The following ATP6V1H variants were observed in gnomAD, a reference collection of about 807,000 sequenced individuals.
ATP6V1H encodes the protein V-type proton ATPase subunit H.
In ATP6V1H, 39 loss-of-function variants were observed where a neutral mutation model predicts 71.7. The ratio of observed to expected loss-of-function variants is 0.54; its 90% CI spans 0.42 to 0.71. The LOEUF (loss-of-function observed/expected upper bound fraction) is 0.71. Among genes scored for constraint, ATP6V1H ranks in the 30% least tolerant of loss-of-function variants. The probability of loss-of-function intolerance (pLI) is 0.00; values close to 1 mark genes in which losing one functional copy is unlikely to be tolerated. For missense variants in ATP6V1H, 509 were observed against 594.9 expected, an observed-to-expected ratio of 0.86 and a Z score of 1.50; for synonymous variants, 192 against 199.3, an observed-to-expected ratio of 0.96 and a Z score of 0.31.
chr8:53,720,826 A>T (rs985211782), intron 13 of ATP6V1H, among the ~76,000 whole-genome samples: 1 of 152,164 alleles, frequency 6.6e-6, no homozygotes, highest in Admixed American at 6.5e-5. Flanking sequence ...GCCAAGTAGA[A>T]AACCCACTGT....
chr8:53,764,390 A>G (rs1808377574), intron 11 of ATP6V1H, among the ~76,000 whole-genome samples: 1 of 152,228 alleles, frequency 6.6e-6, no homozygotes, highest in African/African-American at 2.4e-5. Flanking sequence ...AGAATCAATT[A>G]ATGTAGCCCA....
At chr8:53,740,631 A>G (rs947474274) in intron 13 of ATP6V1H, among the ~76,000 whole-genome samples, 1 of 152,230 alleles carries the variant, frequency 6.6e-6, no homozygotes, top group African/African-American at 2.4e-5. Flanking sequence ...AGAGAAATTT[A>G]CAAGATTCTT....
intron 13 of ATP6V1H, among the ~76,000 whole-genome samples, chr8:53,739,887 G>T (rs557729766): frequency 6.6e-6 from 1 of 152,176 alleles, no homozygotes; most frequent in Non-Finnish European, 1.5e-5. Flanking sequence ...CGCCCAGTGG[G>T]TGCCACTGTC....
chr8:53,798,519 GA>G lies in ATP6V1H; in HGVS notation c.678-2681del, dbSNP rs201442299. Among the ~76,000 whole-genome samples, 333 of 147,484 alleles carry G rather than the reference GA, an allele frequency of 2.3e-3. 1 individual carries two copies. Among genetic ancestry groups the G allele is most frequent in the African/African-American group, 8.0e-3 (323 of 40,242 alleles). On this transcript the variant is annotated intron_variant, in intron 8 of 13. Coordinates refer to ENST00000359530, the MANE Select transcript of ATP6V1H (RefSeq NM_015941.4). ...CTGGGTGAGACTCTGTCTCAGAAAG[GA>G]AAAAAAAAGACCTCAGTTATCTTCC... is the stretch of plus-strand genomic sequence containing the variant.
chr8:53,754,179 CAAG>C (rs1286107862), intron 12 of ATP6V1H, among the ~76,000 whole-genome samples: 1 of 152,090 alleles, frequency 6.6e-6, no homozygotes, highest in Non-Finnish European at 1.5e-5. Flanking sequence ...CCTCGTCTTG[CAAG>C]AAGTTCAGAA....
intron 3 of ATP6V1H, chr8:53,831,745 C>T (rs982158140): frequency 1.4e-5 from 2 of 142,782 alleles, no homozygotes; most frequent in East Asian, 2.0e-4. Flanking sequence ...AATAATTACA[C>T]TCTTTTTTTT....
intron 13 of ATP6V1H, among the ~76,000 whole-genome samples, chr8:53,716,921 C>A (rs191475279): frequency 6.6e-6 from 1 of 152,278 alleles, no homozygotes; most frequent in African/African-American, 2.4e-5. Flanking sequence ...AAGTTTTCCT[C>A]TTATAAAAAA....
intron 9 of ATP6V1H, among the ~76,000 whole-genome samples, chr8:53,785,256 T>C (rs576284077): frequency 1.3e-5 from 2 of 152,356 alleles, no homozygotes; most frequent in Non-Finnish European, 2.9e-5. Context: ...CTTTTTTCTC[T>C]AAACTTCTCT....
At chr8:53,814,273 G>A (rs1362632433) in intron 6 of ATP6V1H, among the ~76,000 whole-genome samples, 2 of 152,072 alleles carry the variant, frequency 1.3e-5, no homozygotes, top group Non-Finnish European at 2.9e-5. Context: ...CTCTCGGCCC[G>A]AGGCATGCTC....
intron 2 of ATP6V1H, among the ~76,000 whole-genome samples, chr8:53,837,843 C>T (rs993658849): frequency 1.3e-5 from 2 of 152,130 alleles, no homozygotes; most frequent in African/African-American, 2.4e-5. Flanking sequence ...AGGCAGGAAC[C>T]GCAGACACAG....
At chr8:53,729,160 C>A (rs538005398) in intron 13 of ATP6V1H, among the ~76,000 whole-genome samples, 1 of 152,102 alleles carries the variant, frequency 6.6e-6, no homozygotes, top group Non-Finnish European at 1.5e-5. Flanking sequence ...AAGAGACTAG[C>A]ACCACATGTT....
intron 2 of ATP6V1H, among the ~76,000 whole-genome samples, chr8:53,834,490 A>G (rs1195384810): frequency 6.6e-6 from 1 of 152,138 alleles, no homozygotes; most frequent in African/African-American, 2.4e-5. Context: ...CAGTGGCACG[A>G]TCTCAGCTCA....
intron 4 of ATP6V1H, among the ~76,000 whole-genome samples, chr8:53,823,726 G>A (rs1478510785): frequency 6.6e-6 from 1 of 152,044 alleles, no homozygotes; most frequent in Non-Finnish European, 1.5e-5. Context: ...CACCCACCTC[G>A]GACTCCCAAA....
chr8:53,838,249 C>T (rs1292187625), intron 2 of ATP6V1H, among the ~76,000 whole-genome samples: 1 of 152,152 alleles, frequency 6.6e-6, no homozygotes, highest in Non-Finnish European at 1.5e-5. Context: ...CCTCAGCCTC[C>T]CAAGTAGCTG....
chr8:53,784,678 G>C lies in ATP6V1H; in HGVS notation c.870+10969C>G, dbSNP rs568565870. ...CATGTTTTTGCAGTGGCTGGTACCG[G>C]TTGTTCCTTTCGATGTTTAGTGCTT... On this transcript the variant is annotated intron_variant, in intron 9 of 13. Transcript: ENST00000359530. Among the ~76,000 whole-genome samples the C allele has an allele frequency of 2.0e-3, 300 of 152,090 alleles. 1 individual carries two copies. The highest frequency in any genetic ancestry group is 5.2e-3 in the African/African-American group (216 of 41,360).
chr8:53,764,887 C>T (rs1808396810), intron 11 of ATP6V1H, among the ~76,000 whole-genome samples: 1 of 151,934 alleles, frequency 6.6e-6, no homozygotes, highest in Non-Finnish European at 1.5e-5. Context: ...TGCTGTGAGG[C>T]CAGGAGTTCG....
chr8:53,735,234 G>A (rs1177954026), intron 13 of ATP6V1H, among the ~76,000 whole-genome samples: 2 of 152,220 alleles, frequency 1.3e-5, no homozygotes, highest in African/African-American at 2.4e-5. Context: ...GGTGGGTGGA[G>A]GCTTATCCAA....
chr8:53,800,762 C>G (rs1340393095), intron 8 of ATP6V1H, among the ~76,000 whole-genome samples: 1 of 152,072 alleles, frequency 6.6e-6, no homozygotes, highest in African/African-American at 2.4e-5. Flanking sequence ...AAAAGGTTTG[C>G]TATATTTTAA....
chr8:53,760,395 A>C (rs1209223497), intron 11 of ATP6V1H, among the ~76,000 whole-genome samples: 1 of 152,220 alleles, frequency 6.6e-6, no homozygotes, highest in Admixed American at 6.5e-5. Flanking sequence ...CCCAAGGGAA[A>C]CATCGAGGGA....
Sources: gnomAD v4.1 joint callset for allele counts (sites outside exome capture counted in the v4.1 genomes callset) on GRCh38, gnomAD v4.1.1 for gene constraint, MANE v1.5 for transcripts, NCBI Gene and HGNC (gene_info 2026-07-23, HGNC 2026-07-21) for gene names.